The following TSHR variants were observed in gnomAD, a reference collection of about 807,000 sequenced individuals.
The protein encoded by TSHR is thyroid stimulating hormone receptor, also known as thyrotropin receptor.
TSHR carries 51 observed loss-of-function variants against 64.1 expected under a neutral mutation model. The ratio of observed to expected loss-of-function variants is 0.80; its 90% CI spans 0.64 to 1.01. TSHR has a LOEUF of 1.01. Ranked by LOEUF, TSHR falls within the 50% of genes least tolerant of loss-of-function variation. TSHR has a pLI of 0.00. For synonymous variants in TSHR, 361 were observed against 361.9 expected (o/e 1.00, Z 0.03); for missense variants, 877 against 942.8 (o/e 0.93, Z 0.91).
intron 1 of TSHR, among the ~76,000 whole-genome samples, chr14:80,963,487 AC>A (rs1304292297): frequency 1.3e-5 from 2 of 152,230 alleles, no homozygotes; most frequent in Non-Finnish European, 1.5e-5. Flanking sequence ...AAGAAAAAAA[AC>A]ATTAAACAAC....
intron 7 of TSHR, among the ~76,000 whole-genome samples, chr14:81,101,896 G>T (rs914506396): frequency 6.6e-6 from 1 of 152,222 alleles, no homozygotes; most frequent in South Asian, 2.1e-4. Flanking sequence ...AGCAGGCCGG[G>T]TGTGGTGGCT....
intron 1 of TSHR, among the ~76,000 whole-genome samples, chr14:80,988,447 C>T (rs1006220046): frequency 1.3e-5 from 2 of 150,174 alleles, no homozygotes; most frequent in African/African-American, 2.5e-5. Context: ...ATCATGAGAA[C>T]AGCACGGCAG....
rs10528934 is a variant in TSHR, at chr14:81,067,927, C to CTATATATATA, written c.243-309_243-300dup. Among the ~76,000 whole-genome samples the CTATATATATA allele has an allele frequency of 3.4e-3, 329 of 95,758 alleles. 11 individuals carry two copies. Among genetic ancestry groups the CTATATATATA allele is most frequent in the Middle Eastern group, 0.021 (4 of 190 alleles). 62.8% of individuals were successfully genotyped at this position (95,758 alleles called of 152,430 possible). A position where few individuals can be genotyped will look rare whatever the true frequency, so the allele number is the denominator to read the frequency against. ...TAGTGGAACATTCCACAGGGTGACA[C>CTATATATATA]TATATATATATATATATATATATAT... On this transcript the variant is annotated intron_variant, in intron 2 of 9. Coordinates refer to ENST00000298171, the MANE Select transcript of TSHR (RefSeq NM_000369.5).
intron 1 of TSHR, among the ~76,000 whole-genome samples, chr14:81,028,895 T>C (rs1594971879): frequency 6.6e-6 from 1 of 151,884 alleles, no homozygotes. Flanking sequence ...AAAAGACTAA[T>C]AAAATTGATA....
At chr14:80,969,355 A>C (rs1482269562) in intron 1 of TSHR, among the ~76,000 whole-genome samples, 1 of 152,224 alleles carries the variant, frequency 6.6e-6, no homozygotes, top group Admixed American at 6.5e-5. Flanking sequence ...ATACTGGTAG[A>C]TCAGGTATTT....
At chr14:81,065,700 G>A (rs1350117429) in intron 2 of TSHR, among the ~76,000 whole-genome samples, 1 of 152,126 alleles carries the variant, frequency 6.6e-6, no homozygotes, top group Non-Finnish European at 1.5e-5. Context: ...TGAAGGTAGG[G>A]AACAGGCCTG....
rs535429211 is a variant in TSHR at position 80,987,132 on chromosome 14, A to G, written c.170+31282A>G. Among the ~76,000 whole-genome samples, 12 of 152,354 alleles carry G rather than the reference A, an allele frequency of 7.9e-5. No homozygotes were observed. The East Asian group carries it at 2.3e-3, about 29-fold the overall frequency. On this transcript the variant is annotated intron_variant, in intron 1 of 9. Transcript: ENST00000298171. ...TTAAAAACAAAGAAAAAAAGGAAACAGTAATACCTTCCCTAGTTTCCTGGA... is the reference window on the plus strand; with the variant it reads ...TTAAAAACAAAGAAAAAAAGGAAACGGTAATACCTTCCCTAGTTTCCTGGA...
At chr14:81,096,887 T>C (rs539121115) in intron 7 of TSHR, among the ~76,000 whole-genome samples, 180 bp downstream of exon 7, 1 of 151,578 alleles carries the variant, frequency 6.6e-6, no homozygotes, top group East Asian at 1.9e-4. Flanking sequence ...GGCGCTTACG[T>C]TAGCTCCAAT....
chr14:80,974,747 G>T (rs888735932), intron 1 of TSHR, among the ~76,000 whole-genome samples: 2 of 152,136 alleles, frequency 1.3e-5, no homozygotes, highest in African/African-American at 4.8e-5. Context: ...CAAAAAAATA[G>T]GGTGGCTTGG....
At chr14:81,069,155 T>C (rs1886876204) in intron 3 of TSHR, among the ~76,000 whole-genome samples, 1 of 152,120 alleles carries the variant, frequency 6.6e-6, no homozygotes, top group African/African-American at 2.4e-5. Flanking sequence ...TTGGTTATTA[T>C]TTACCTCTTA....
At chr14:81,033,360 CAG>C (rs1884450481) in intron 1 of TSHR, 1 of 286,636 alleles carries the variant, frequency 3.5e-6, no homozygotes, top group Non-Finnish European at 6.9e-6. Context: ...AAGTGAATGA[CAG>C]GGGCCATCCT....
chr14:80,985,196 G>A (rs561123705), intron 1 of TSHR, among the ~76,000 whole-genome samples: 31 of 152,344 alleles, frequency 2.0e-4, no homozygotes, highest in Non-Finnish European at 4.1e-4. Context: ...CTTGCAGTGG[G>A]CGGAGATCGC....
intron 1 of TSHR, among the ~76,000 whole-genome samples, chr14:81,060,368 G>A (rs989192719): frequency 7.9e-5 from 12 of 151,978 alleles, no homozygotes; most frequent in Non-Finnish European, 1.3e-4. Flanking sequence ...TTCAGAATCC[G>A]GATAACTCAA....
rs543248353 is a variant in TSHR, at chr14:81,106,825, G to A, written c.615-1550G>A. On this transcript the variant is annotated intron_variant, in intron 7 of 9. Transcript: ENST00000298171. ...TCAGGCATGATGGCGATCGCCTGTA[G>A]TCCCAGTTACTCAGGAGGCTGAGGC... 1.0e-3 allele frequency among the ~76,000 whole-genome samples: 151 copies of A among 151,562 alleles called. 2 individuals are homozygous for A. Among genetic ancestry groups the A allele is most frequent in the South Asian group, 7.9e-3 (38 of 4,790 alleles).
At chr14:81,033,213 C>G (rs1566772575) in intron 1 of TSHR, 2 of 457,448 alleles carry the variant, frequency 4.4e-6, no homozygotes, top group Admixed American at 2.8e-5. Flanking sequence ...CCACAAAAAT[C>G]TGAAGAGCCC....
intron 1 of TSHR, among the ~76,000 whole-genome samples, chr14:80,969,395 A>T (rs1348333887): frequency 6.6e-6 from 1 of 152,132 alleles, no homozygotes; most frequent in East Asian, 1.9e-4. Context: ...GTGCCGGTGG[A>T]GGCATTGAAG....
At chr14:81,075,451 A>G (rs1305453594) in intron 3 of TSHR, among the ~76,000 whole-genome samples, 2 of 152,186 alleles carry the variant, frequency 1.3e-5, no homozygotes, top group African/African-American at 4.8e-5. Context: ...TTCAATAAAT[A>G]CAGTATGTTT....
intron 1 of TSHR, among the ~76,000 whole-genome samples, chr14:80,980,889 G>A (rs1888131036): frequency 6.6e-6 from 1 of 151,908 alleles, no homozygotes; most frequent in African/African-American, 2.4e-5. Flanking sequence ...CTACTCTTCT[G>A]TCTAATCCAT....
chr14:81,033,019 T>A, intron 1 of TSHR: 2 of 352,894 alleles, frequency 5.7e-6, no homozygotes, highest in Non-Finnish European at 1.1e-5. Context: ...TTTACTGGAG[T>A]CCTTTGGTGT....
Sources: gnomAD v4.1 joint callset for allele counts (sites outside exome capture counted in the v4.1 genomes callset) on GRCh38, gnomAD v4.1.1 for gene constraint, MANE v1.5 for transcripts, NCBI Gene and HGNC (gene_info 2026-07-23, HGNC 2026-07-21) for gene names.